Variants in CPSF3 observed in about 807,000 individuals in gnomAD.
CPSF3 encodes cleavage and polyadenylation specificity factor subunit 3.
In CPSF3, 57 loss-of-function variants were observed where a neutral mutation model predicts 84.1. The observed-to-expected ratio is 0.68, with a 90% confidence interval of 0.55 to 0.85. The LOEUF is 0.85. Ranked by LOEUF, CPSF3 falls within the 40% of genes least tolerant of loss-of-function variation. CPSF3 has a pLI of 0.00. For synonymous variants in CPSF3, 275 were observed against 278.1 expected, an observed-to-expected ratio of 0.99 and a Z score of 0.11; for missense variants, 522 against 838.8, an observed-to-expected ratio of 0.62 and a Z score of 4.66.
intron 6 of CPSF3, among the ~76,000 whole-genome samples, chr2:9,435,428 CTT>C (rs551125193): frequency 1.3e-4 from 18 of 140,770 alleles, no homozygotes; most frequent in South Asian, 2.3e-4. Flanking sequence ...TTCTAGCATT[CTT>C]TTTTTTTTTT....
intron 4 of CPSF3, 88 bp from the exon 5 acceptor site, chr2:9,432,423 G>C (rs1439293819): frequency 6.2e-6 from 5 of 812,526 alleles, no homozygotes; most frequent in Non-Finnish European, 7.0e-6. Context: ...TATCTTCATG[G>C]AGATGTTATC....
chr2:9,461,448 AG>A (rs1284769465), intron 15 of CPSF3, among the ~76,000 whole-genome samples: 10 of 152,086 alleles, frequency 6.6e-5, no homozygotes, highest in Non-Finnish European at 1.5e-4. Context: ...GGATCCCTTA[AG>A]GTCAGGAGTC....
chr2:9,471,538 T>G (rs1445130718), intron 17 of CPSF3, 99 bp downstream of exon 17: 2 of 744,038 alleles, frequency 2.7e-6, no homozygotes, highest in East Asian at 2.6e-5. Context: ...CTGTTGCATA[T>G]TGGCATTTGC....
At chr2:9,459,396 T>C in intron 14 of CPSF3, 135 bp from the exon 15 acceptor site, 1 of 684,622 alleles carries the variant, frequency 1.5e-6, no homozygotes, top group Non-Finnish European at 2.7e-6. Context: ...AAACAATGAG[T>C]CAGTTAATTT....
At chr2:9,436,064 A>G (rs944290274) in intron 6 of CPSF3, 147 bp from the exon 7 acceptor site, 21 of 645,570 alleles carry the variant, frequency 3.3e-5, no homozygotes, top group African/African-American at 2.2e-4. Flanking sequence ...GCTCTTCCCA[A>G]TTACTATTAT....
chr2:9,423,752 G>A lies in CPSF3; in HGVS notation c.-22G>A, dbSNP rs1391631102. 3.1e-6 allele frequency: 5 copies of A among 1,611,892 alleles called. No individual in the cohort carries two copies. The highest frequency in any genetic ancestry group is 4.2e-6 in the Non-Finnish European group (5 of 1,179,072). ...CCCCGGCGACCTGTTCCTCACCCCC[G>A]CTTCGCCCTCACACTTTCGGGATGT... is the stretch of plus-strand genomic sequence containing the variant. On this transcript the variant is annotated 5_prime_UTR_variant, in exon 1 of 18. Transcript: ENST00000238112.
chr2:9,461,089 C>T lies in CPSF3; in HGVS notation c.1786+1471C>T, dbSNP rs879133453. ...AAATAAATACTTAGACAATCTAAAT[C>T]TGTTATTCATTTGAGTCACTGGTAA... is the stretch of plus-strand genomic sequence containing the variant. On this transcript the variant is annotated intron_variant, in intron 15 of 17. Coordinates refer to ENST00000238112, the MANE Select transcript of CPSF3 (RefSeq NM_016207.4). Among the ~76,000 whole-genome samples the T allele has an allele frequency of 5.9e-5, 9 of 152,298 alleles. No homozygotes were observed. In the East Asian group the frequency reaches 1.3e-3, roughly 23 times the overall value.
chr2:9,452,450 T>C (rs770176703), intron 11 of CPSF3, among the ~76,000 whole-genome samples: 7 of 152,216 alleles, frequency 4.6e-5, no homozygotes, highest in Non-Finnish European at 1.0e-4. Flanking sequence ...TAACCTGTTT[T>C]TATTGACCTT....
chr2:9,443,200 A>T (rs1681013664), intron 9 of CPSF3, among the ~76,000 whole-genome samples: 1 of 152,182 alleles, frequency 6.6e-6, no homozygotes, highest in South Asian at 2.1e-4. Context: ...ATATCCACAT[A>T]TCTAGGAAAT....
intron 10 of CPSF3, among the ~76,000 whole-genome samples, chr2:9,444,426 G>A (rs922996330): frequency 6.0e-5 from 9 of 150,374 alleles, no homozygotes; most frequent in African/African-American, 2.0e-4. Flanking sequence ...GCACCCGGCC[G>A]ACTTACTTAT....
chr2:9,454,913 A>C (rs1443430878), intron 12 of CPSF3, among the ~76,000 whole-genome samples: 1 of 152,104 alleles, frequency 6.6e-6, no homozygotes, highest in Non-Finnish European at 1.5e-5. Context: ...CAGTCTTGGG[A>C]AGAGCTAATC....
At chr2:9,428,644 A>G (rs1022777816) in intron 1 of CPSF3, 121 bp from the exon 2 acceptor site, 6 of 655,540 alleles carry the variant, frequency 9.2e-6, no homozygotes, top group Non-Finnish European at 1.6e-5. Flanking sequence ...ACGTCTCAGA[A>G]TTTTTCAGTG....
intron 16 of CPSF3, among the ~76,000 whole-genome samples, chr2:9,470,199 G>A (rs1035836330): frequency 2.0e-5 from 3 of 152,190 alleles, no homozygotes; most frequent in Non-Finnish European, 2.9e-5. Flanking sequence ...TCCAGCCTGG[G>A]CAACAAGCAA....
intron 4 of CPSF3, among the ~76,000 whole-genome samples, chr2:9,431,552 C>CT (rs1203852978): frequency 2.3e-4 from 10 of 42,646 alleles, no homozygotes; most frequent in Non-Finnish European, 4.7e-4. Flanking sequence ...TTTTTTTTTT[C>CT]TTTTTTTTTT....
At position 9,436,351 on chromosome 2, in the gene CPSF3, C is replaced by G. The variant is rs536663283; in HGVS notation, c.750C>G (p.Leu250=). 1 of 1,607,218 alleles carries G rather than the reference C, an allele frequency of 6.2e-7. No homozygotes were observed. Among genetic ancestry groups the G allele is most frequent in the East Asian group, 2.2e-5 (1 of 44,838 alleles). ...CTCTTGGAAGGGCTCAGGAGCTGCT[C>G]TTGATTCTAGGTATGCCATTTCCTT... is the stretch of plus-strand genomic sequence containing the variant. ...VFALGRAQEL[L]LILDEYWQNH... is the part of the protein sequence containing the mutation. Residue 250 remains leucine (L), a synonymous_variant, in exon 7 of 18, where the codon CTC becomes CTG. Coordinates refer to ENST00000238112, the MANE Select transcript of CPSF3 (RefSeq NM_016207.4).
At chr2:9,455,123 G>A (rs905473129) in intron 12 of CPSF3, among the ~76,000 whole-genome samples, 3 of 151,318 alleles carry the variant, frequency 2.0e-5, no homozygotes, top group Non-Finnish European at 1.5e-5. Context: ...GTATGTTTGG[G>A]GACATGAGGT....
At chr2:9,457,059 G>T (rs1252726421) in intron 14 of CPSF3, 32 bp downstream of exon 14, 1 of 1,304,936 alleles carries the variant, frequency 7.7e-7, no homozygotes, top group African/African-American at 1.5e-5. Context: ...AAACAATGAG[G>T]GGAAAAAAGT....
chr2:9,464,264 A>G (rs1681829291), intron 15 of CPSF3, among the ~76,000 whole-genome samples: 1 of 152,210 alleles, frequency 6.6e-6, no homozygotes, highest in African/African-American at 2.4e-5. Flanking sequence ...AAGGACAGGT[A>G]TACCTGTCTG....
At chr2:9,466,214 ACACG>A (rs1558465960) in intron 15 of CPSF3, among the ~76,000 whole-genome samples, 39 of 149,896 alleles carry the variant, frequency 2.6e-4, no homozygotes, top group African/African-American at 3.0e-4. Context: ...ACACGCGCAC[ACACG>A]CACGCACACA....
Sources: allele counts gnomAD v4.1 joint callset (sites outside exome capture counted in the v4.1 genomes callset), GRCh38; gene constraint gnomAD v4.1.1; transcripts MANE v1.5; gene names NCBI Gene and HGNC (gene_info 2026-07-23, HGNC 2026-07-21).